The following LHCGR variants were observed in gnomAD, a reference collection of about 807,000 sequenced individuals.
LHCGR encodes luteinizing hormone/choriogonadotropin receptor.
LHCGR carries 55 observed loss-of-function variants against 60.7 expected under a neutral mutation model. That is an observed-to-expected ratio of 0.91 (90% CI 0.73 to 1.13). The LOEUF is 1.13. Ranked by LOEUF, LHCGR falls within the 50% of genes most tolerant of loss-of-function variation. LHCGR has a pLI of 0.00. For synonymous variants in LHCGR, 337 were observed against 316.5 expected (o/e 1.06, Z -0.69); for missense variants, 862 against 836.0 (o/e 1.03, Z -0.38).
intron 1 of LHCGR, among the ~76,000 whole-genome samples, chr2:48,742,859 A>T (rs1282426482): frequency 6.6e-6 from 1 of 152,208 alleles, no homozygotes; most frequent in Non-Finnish European, 1.5e-5. Context: ...GAACTGAAGG[A>T]CATAGAGACA....
intron 2 of LHCGR, among the ~76,000 whole-genome samples, chr2:48,730,084 A>C (rs1323146026): frequency 1.3e-5 from 2 of 152,224 alleles, no homozygotes; most frequent in Non-Finnish European, 2.9e-5. Flanking sequence ...CAAATTCACA[A>C]ACTGTACATT....
intron 1 of LHCGR, among the ~76,000 whole-genome samples, chr2:48,748,051 A>G (rs1669791165): frequency 6.6e-6 from 1 of 152,130 alleles, no homozygotes; most frequent in Admixed American, 6.5e-5. Flanking sequence ...AGGAAGTTCA[A>G]ATGACACTTC....
intron 1 of LHCGR, among the ~76,000 whole-genome samples, chr2:48,748,597 G>A (rs911124574): frequency 1.3e-5 from 2 of 152,212 alleles, no homozygotes; most frequent in African/African-American, 4.8e-5. Flanking sequence ...GAACAAAACT[G>A]TTCCATCAGG....
intron 1 of LHCGR, among the ~76,000 whole-genome samples, chr2:48,747,007 A>G (rs937011848): frequency 5.3e-5 from 8 of 152,168 alleles, no homozygotes; most frequent in Non-Finnish European, 1.0e-4. Flanking sequence ...CCCAACACTT[A>G]AAAACTTTTT....
intron 1 of LHCGR, among the ~76,000 whole-genome samples, chr2:48,742,402 C>T (rs1341527867): frequency 6.7e-6 from 1 of 150,166 alleles, no homozygotes; most frequent in African/African-American, 2.4e-5. Context: ...TTTTTCAGCA[C>T]CACACCACAC....
In LHCGR at chr2:48,687,447, GT is replaced by G. The variant is rs1679949130; in HGVS notation, c.*249del. On this transcript the variant is annotated 3_prime_UTR_variant, in exon 11 of 11. Transcript: ENST00000294954. ...AAAAGATTCATCAAACAAAATTACT[GT>G]GTCAAAATTTCTATAAAAATTTCTA... is the stretch of plus-strand genomic sequence containing the variant. 1 of 407,392 alleles carries G rather than the reference GT, an allele frequency of 2.5e-6. No individual in the cohort carries two copies. Among genetic ancestry groups the G allele is most frequent in the Non-Finnish European group, 4.4e-6 (1 of 228,676 alleles). 25.2% of individuals were successfully genotyped at this position (407,392 alleles called of 1,614,324 possible).
chr2:48,746,006 C>T (rs569726464), intron 1 of LHCGR, among the ~76,000 whole-genome samples: 4 of 152,182 alleles, frequency 2.6e-5, no homozygotes, highest in African/African-American at 9.6e-5. Flanking sequence ...TGGAGCCAGC[C>T]TGGGTTCAAA....
At chr2:48,714,595 T>C (rs935510016) in intron 6 of LHCGR, among the ~76,000 whole-genome samples, 2 of 151,966 alleles carry the variant, frequency 1.3e-5, no homozygotes, top group Non-Finnish European at 2.9e-5. Flanking sequence ...CATTAGTGCA[T>C]AGTGAATCAA....
At chr2:48,708,275 A>T (rs1254576002) in intron 8 of LHCGR, among the ~76,000 whole-genome samples, 1 of 152,184 alleles carries the variant, frequency 6.6e-6, no homozygotes, top group Admixed American at 6.5e-5. Flanking sequence ...TGCCAGGGGC[A>T]TGCCAGATCT....
At position 48,694,251 on chromosome 2, in the gene LHCGR, G is replaced by A; in HGVS notation, c.920C>T (p.Thr307Ile). 6.3e-7 allele frequency: 1 copy of A among 1,594,632 alleles called. No individual in the cohort carries two copies. The highest frequency in any genetic ancestry group is 8.6e-7 in the Non-Finnish European group (1 of 1,164,568). The change falls in exon 10 of 11, where the codon ACA becomes ATA. Residue 307 changes from threonine to isoleucine, a missense_variant. Coordinates refer to ENST00000294954, the MANE Select transcript of LHCGR (RefSeq NM_000233.4). ...TGTTTTGTTATTCACTTTCCTTACT[G>A]TGCTTTCACATTGTTTGGAAAAGTT... ...SENFSKQCES[T>I]VRKVNNKTLY...
intron 1 of LHCGR, among the ~76,000 whole-genome samples, chr2:48,750,585 A>G (rs1279094415): frequency 6.6e-6 from 1 of 152,258 alleles, no homozygotes; most frequent in Admixed American, 6.5e-5. Context: ...ACAGAGATTT[A>G]AAAAATGACA....
At chr2:48,714,974 C>T (rs1442919514) in intron 6 of LHCGR, among the ~76,000 whole-genome samples, 1 of 152,164 alleles carries the variant, frequency 6.6e-6, no homozygotes, top group Admixed American at 6.5e-5. Flanking sequence ...TCTGGGGCTA[C>T]ATCCAGCACA....
At chr2:48,741,089 C>T (rs2103684281) in intron 1 of LHCGR, among the ~76,000 whole-genome samples, 1 of 152,168 alleles carries the variant, frequency 6.6e-6, no homozygotes, top group East Asian at 1.9e-4. Flanking sequence ...GAAAGGGTAT[C>T]AGCGATGGAA....
chr2:48,715,017 A>G (rs112042300), intron 6 of LHCGR, among the ~76,000 whole-genome samples: 6 of 152,002 alleles, frequency 3.9e-5, no homozygotes, highest in African/African-American at 1.5e-4. Context: ...CTTTTCCTCC[A>G]CTGATATCCT....
intron 1 of LHCGR, among the ~76,000 whole-genome samples, chr2:48,740,620 C>A (rs1432065882): frequency 6.6e-6 from 1 of 152,058 alleles, no homozygotes; most frequent in East Asian, 1.9e-4. Flanking sequence ...AACAGACCTG[C>A]AGCTGAGGGT....
chr2:48,727,960 T>C lies in LHCGR; in HGVS notation c.308+1193A>G, dbSNP rs73928220. ...AGCTTTGAAGAAAGACAGTCTGGGA[T>C]TGAACCCCAGTCCTGCCATGGTCTA... On this transcript the variant is annotated intron_variant, in intron 3 of 10. Coordinates refer to ENST00000294954, the MANE Select transcript of LHCGR (RefSeq NM_000233.4). Among the ~76,000 whole-genome samples, 695 of 152,310 alleles carry C rather than the reference T, an allele frequency of 4.6e-3. 6 individuals carry two copies. Among genetic ancestry groups the C allele is most frequent in the African/African-American group, 0.016 (650 of 41,560 alleles).
chr2:48,755,588 C>G lies in LHCGR; in HGVS notation c.84G>C (p.Ala28=). Residue 28 remains alanine (A), a synonymous_variant, in exon 1 of 11, where the codon GCG becomes GCC. Transcript: ENST00000294954. ...CGCAGTTGCAGGGCTCAGGGCAGAG[C>G]GCCTCGCGCAGCGCTCGTGGCAGCG... ...QPPLPRALRE[A]LCPEPCNCVP... is the part of the protein sequence containing the mutation. 3 of 1,538,750 alleles carry G rather than the reference C, an allele frequency of 1.9e-6. No individual in the cohort carries two copies. The highest frequency in any genetic ancestry group is 1.2e-5 in the South Asian group (1 of 83,862).
Position 48,698,706 on chromosome 2 carries a change from A to AT in LHCGR, c.774dup (p.Leu259IlefsTer25), listed in dbSNP as rs764644774. 2.2e-5 allele frequency: 36 copies of AT among 1,613,972 alleles called. No homozygotes were observed. Among genetic ancestry groups the AT allele is most frequent in the Non-Finnish European group, 2.8e-5 (33 of 1,179,980 alleles). ...TTGACAAATGTTTCTCTTGATGGCA[A>AT]TTTTTTTAGAGAATAGGATGACGTG... is the stretch of plus-strand genomic sequence containing the variant. On this transcript the variant is annotated frameshift_variant, in exon 9 of 11. Coordinates refer to ENST00000294954, the MANE Select transcript of LHCGR (RefSeq NM_000233.4). LOFTEE classifies it high-confidence loss of function.
intron 1 of LHCGR, among the ~76,000 whole-genome samples, chr2:48,752,991 G>GGCGGTGGGGGGGTGGGGT (rs1553400397): frequency 1.7e-5 from 1 of 57,948 alleles, no homozygotes; most frequent in Non-Finnish European, 4.0e-5. Flanking sequence ...CGGGGGGGGG[G>GGCGGTGGGGGGGTGGGGT]GGGGGTGGGG....
Sources: gnomAD v4.1 joint callset for allele counts (sites outside exome capture counted in the v4.1 genomes callset) on GRCh38, gnomAD v4.1.1 for gene constraint, MANE v1.5 for transcripts, NCBI Gene and HGNC (gene_info 2026-07-23, HGNC 2026-07-21) for gene names.